Variants in ACACA observed in about 807,000 individuals in gnomAD.
ACACA encodes acetyl-CoA carboxylase alpha.
ACACA carries 103 observed loss-of-function variants against 296.1 expected under a neutral mutation model. The ratio of observed to expected loss-of-function variants is 0.35; its 90% confidence interval spans 0.30 to 0.41. The LOEUF (loss-of-function observed/expected upper bound fraction) is 0.41, where lower values mean the gene tolerates loss of function less well. Ranked by LOEUF, ACACA falls within the 10% of genes least tolerant of loss-of-function variation. The pLI is 1.00. For synonymous variants in ACACA, 953 were observed against 1,038.6 expected, an observed-to-expected ratio of 0.92 and a Z score of 1.58; for missense variants, 1,554 against 2,989.7, an observed-to-expected ratio of 0.52 and a Z score of 11.20.
chr17:37,164,754 A>C (rs934494630), intron 41 of ACACA, among the ~76,000 whole-genome samples: 5 of 152,158 alleles, frequency 3.3e-5, no homozygotes, highest in African/African-American at 1.2e-4. Context: ...ATTTTCTGTC[A>C]ATTTTCCTCT....
Position 37,206,834 on chromosome 17 carries a change from C to T in ACACA, c.3897G>A (p.Gln1299=). The change falls in exon 32 of 56, where the codon CAG becomes CAA. Residue 1299 remains glutamine, a synonymous_variant. Coordinates refer to ENST00000616317, the MANE Select transcript of ACACA (RefSeq NM_198834.3). ...GACCTGCCTCAGGGAATGTGGGACTCTGGGGTGGGGAGTCAGAGAAGCAGC... is the reference window on the plus strand; with the variant it reads ...GACCTGCCTCAGGGAATGTGGGACTTTGGGGTGGGGAGTCAGAGAAGCAGC... ...VMGCFSDSPP[Q]SPTFPEAGHT... 6.2e-7 allele frequency: 1 copy of T among 1,613,902 alleles called. No individual in the cohort carries two copies. Among genetic ancestry groups the T allele is most frequent in the Non-Finnish European group, 8.5e-7 (1 of 1,179,820 alleles).
intron 3 of ACACA, among the ~76,000 whole-genome samples, chr17:37,327,885 G>C (rs1032637069): frequency 9.9e-5 from 15 of 152,184 alleles, no homozygotes; most frequent in African/African-American, 3.6e-4. Flanking sequence ...ATAAATGCAA[G>C]TAGTCCTGCC....
At chr17:37,302,590 G>C (rs2083679600) in intron 3 of ACACA, among the ~76,000 whole-genome samples, 1 of 152,120 alleles carries the variant, frequency 6.6e-6, no homozygotes, top group African/African-American at 2.4e-5. Flanking sequence ...ACCACCCCTG[G>C]CTGATTTTAT....
chr17:37,249,069 C>G (rs970535390), intron 16 of ACACA, among the ~76,000 whole-genome samples: 1 of 152,192 alleles, frequency 6.6e-6, no homozygotes, highest in South Asian at 2.1e-4. Context: ...TTCTATGAGT[C>G]TGACTACTCT....
At chr17:37,234,744 G>A (rs1598271041) in intron 25 of ACACA, among the ~76,000 whole-genome samples, 1 of 152,136 alleles carries the variant, frequency 6.6e-6, no homozygotes, top group Admixed American at 6.5e-5. Context: ...AAGTTCCTGT[G>A]AATGAGTATA....
At chr17:37,183,808 A>C (rs944207287) in intron 39 of ACACA, among the ~76,000 whole-genome samples, 3 of 150,896 alleles carry the variant, frequency 2.0e-5, no homozygotes, top group African/African-American at 7.3e-5. Context: ...AAAAAAAAAA[A>C]AGAAAGAAAG....
At chr17:37,223,461 A>G in intron 28 of ACACA, 51 bp downstream of exon 28, 2 of 1,443,448 alleles carry the variant, frequency 1.4e-6, no homozygotes, top group Non-Finnish European at 2.0e-6. Context: ...GACAGAAGAA[A>G]CCAGCTAGAA....
intron 35 of ACACA, among the ~76,000 whole-genome samples, chr17:37,199,212 C>T (rs901428263): frequency 6.6e-6 from 1 of 151,000 alleles, no homozygotes; most frequent in African/African-American, 2.4e-5. Flanking sequence ...TGCACTCCAG[C>T]CTGGGCGACT....
chr17:37,094,778 C>T (rs370574610), intron 54 of ACACA, among the ~76,000 whole-genome samples: 3 of 152,238 alleles, frequency 2.0e-5, no homozygotes, highest in African/African-American at 7.2e-5. Flanking sequence ...TAGGATTACC[C>T]GTCCTCACGT....
rs184407171 is a variant in ACACA, at chr17:37,368,550, C to T, written c.39-28700G>A. ...GAGCCAAAATTGCGCCATTGCACTC[C>T]AGCCTGGGTGACAAGAGCAAGACTC... is the stretch of plus-strand genomic sequence containing the variant. On this transcript the variant is annotated intron_variant, in intron 1 of 55. Coordinates refer to ENST00000616317, the MANE Select transcript of ACACA (RefSeq NM_198834.3). The T allele has an allele frequency of 3.9e-4, 60 of 152,304 alleles. 3 individuals carry two copies. The highest frequency in any genetic ancestry group is 3.7e-3 in the Admixed American group (57 of 15,278). 9.4% of individuals were successfully genotyped at this position (152,304 alleles called of 1,614,324 possible).
At chr17:37,217,606 G>A (rs2079068671) in intron 29 of ACACA, among the ~76,000 whole-genome samples, 2 of 150,136 alleles carry the variant, frequency 1.3e-5, no homozygotes, top group African/African-American at 4.9e-5. Context: ...ATCATGGCAG[G>A]CACCTGTAGT....
chr17:37,201,474 C>T (rs2078245683), intron 33 of ACACA, among the ~76,000 whole-genome samples: 1 of 151,054 alleles, frequency 6.6e-6, no homozygotes, highest in Admixed American at 6.6e-5. Context: ...AGTTTCAAGA[C>T]AGCCACTTAT....
At chr17:37,275,118 C>T (rs1482739962) in intron 8 of ACACA, among the ~76,000 whole-genome samples, 1 of 152,196 alleles carries the variant, frequency 6.6e-6, no homozygotes, top group African/African-American at 2.4e-5. Flanking sequence ...TAATTACTGA[C>T]CTCATTTTCT....
intron 41 of ACACA, among the ~76,000 whole-genome samples, chr17:37,174,764 C>G (rs1275578556): frequency 2.0e-5 from 3 of 152,032 alleles, no homozygotes; most frequent in Admixed American, 6.6e-5. Flanking sequence ...ATCTCTTGAC[C>G]TCATGATCTG....
At chr17:37,314,640 T>A (rs1391967659) in intron 3 of ACACA, among the ~76,000 whole-genome samples, 1 of 144,434 alleles carries the variant, frequency 6.9e-6, no homozygotes, top group Non-Finnish European at 1.5e-5. Flanking sequence ...CACACTTTTT[T>A]TTTTTTTTTT....
chr17:37,235,739 T>G (rs1168643281), intron 24 of ACACA, among the ~76,000 whole-genome samples: 1 of 152,170 alleles, frequency 6.6e-6, no homozygotes, highest in Non-Finnish European at 1.5e-5. Flanking sequence ...AAGCAATGCC[T>G]AGGAACGCCA....
intron 1 of ACACA, among the ~76,000 whole-genome samples, chr17:37,362,062 C>T (rs961788412): frequency 9.2e-5 from 14 of 152,034 alleles, no homozygotes; most frequent in Admixed American, 3.3e-4. Context: ...CCTTATAAGA[C>T]GAGGCGACGA....
At chr17:37,226,025 A>G (rs2079527513) in intron 26 of ACACA, among the ~76,000 whole-genome samples, 1 of 151,966 alleles carries the variant, frequency 6.6e-6, no homozygotes, top group Admixed American at 6.6e-5. Context: ...TACTGAGTCT[A>G]TTTTCTTCCC....
chr17:37,173,995 TATATATATATA>T (rs2076988231), intron 41 of ACACA, among the ~76,000 whole-genome samples: 1 of 9,328 alleles, frequency 1.1e-4, no homozygotes, highest in African/African-American at 6.1e-4. Flanking sequence ...TATATATATA[TATATATATATA>T]TATATATATA....
Sources: allele counts gnomAD v4.1 joint callset (sites outside exome capture counted in the v4.1 genomes callset), GRCh38; gene constraint gnomAD v4.1.1; transcripts MANE v1.5; gene names NCBI Gene and HGNC (gene_info 2026-07-23, HGNC 2026-07-21).